Variants in CDH18 observed in about 807,000 individuals in gnomAD.
The protein encoded by CDH18 is cadherin 18, also known as cadherin-18.
CDH18 carries 31 observed loss-of-function variants against 67.9 expected under a neutral mutation model. The ratio of observed to expected loss-of-function variants is 0.46; its 90% CI spans 0.34 to 0.62. The LOEUF is 0.62. Ranked by LOEUF, CDH18 falls within the 20% of genes least tolerant of loss-of-function variation. The pLI is 0.01. For synonymous variants in CDH18, 362 were observed against 347.2 expected (o/e 1.04, Z -0.48); for missense variants, 890 against 975.5 (o/e 0.91, Z 1.17).
chr5:19,923,396 GT>G (rs759411945), intron 2 of CDH18, among the ~76,000 whole-genome samples: 11 of 152,154 alleles, frequency 7.2e-5, no homozygotes, highest in African/African-American at 2.7e-4. Context: ...AAAAATAAAA[GT>G]TGTTGCTTGA....
At position 19,970,766 on chromosome 5, in the gene CDH18, T is replaced by C. The variant is rs1376321536; in HGVS notation, c.-257+10294A>G. Among the ~76,000 whole-genome samples the C allele has an allele frequency of 2.0e-5, 3 of 150,882 alleles. No homozygotes were observed. The East Asian group carries it at 5.8e-4, about 29-fold the overall frequency. On this transcript the variant is annotated intron_variant, in intron 2 of 12. Transcript: ENST00000382275. ...TATACCGTAAAATAATATTTAATCT[T>C]TGAGATTAAATATTATTCTACATAT...
intron 5 of CDH18, among the ~76,000 whole-genome samples, chr5:19,667,002 C>T (rs1477450709): frequency 2.0e-5 from 3 of 151,846 alleles, no homozygotes; most frequent in Admixed American, 1.3e-4. Context: ...GGCACTTAAA[C>T]GTATTTGGTG....
chr5:20,104,430 GTA>G (rs1361707005), intron 2 of CDH18, among the ~76,000 whole-genome samples: 1 of 152,154 alleles, frequency 6.6e-6, no homozygotes, highest in Non-Finnish European at 1.5e-5. Context: ...ATGTAAACAT[GTA>G]TAAAGTGAGA....
chr5:20,433,112 G>A (rs1748894318), intron 1 of CDH18, among the ~76,000 whole-genome samples: 1 of 150,786 alleles, frequency 6.6e-6, no homozygotes, highest in African/African-American at 2.4e-5. Context: ...ATTTCTTCCT[G>A]GGTCACTTTA....
chr5:20,473,363 T>G (rs1752221646), intron 1 of CDH18, among the ~76,000 whole-genome samples: 1 of 152,304 alleles, frequency 6.6e-6, no homozygotes, highest in African/African-American at 2.4e-5. Flanking sequence ...CAATAATGTT[T>G]AATGTATTAT....
chr5:20,526,860 C>T (rs926091948), intron 1 of CDH18, among the ~76,000 whole-genome samples: 1 of 152,030 alleles, frequency 6.6e-6, no homozygotes, highest in African/African-American at 2.4e-5. Context: ...AGCCAGCATG[C>T]CTCTTCTCCT....
In CDH18 at chr5:19,873,959, T is replaced by C. The variant is rs565112902; in HGVS notation, c.-256-34717A>G. On this transcript the variant is annotated intron_variant, in intron 2 of 12. Coordinates refer to ENST00000382275, the MANE Select transcript of CDH18 (RefSeq NM_004934.5). The stretch of plus-strand genomic sequence containing the variant: ...CACCGTGCCTGGCCAAAAAAAATCA[T>C]TTTTGATACACAAAGCAGAAATAAT... Among the ~76,000 whole-genome samples the C allele has an allele frequency of 2.0e-5, 3 of 152,264 alleles. No individual in the cohort carries two copies. The South Asian group carries it at 6.2e-4, about 32-fold the overall frequency.
intron 2 of CDH18, among the ~76,000 whole-genome samples, chr5:19,945,146 T>C (rs1795175655): frequency 6.6e-6 from 1 of 152,134 alleles, no homozygotes; most frequent in South Asian, 2.1e-4. Context: ...CCAGGCCCAA[T>C]GTCTGCCAGT....
At chr5:20,390,445 C>T (rs1157749527) in intron 1 of CDH18, among the ~76,000 whole-genome samples, 4 of 152,202 alleles carry the variant, frequency 2.6e-5, no homozygotes, top group African/African-American at 7.2e-5. Context: ...GAGACACCAT[C>T]TCACACCAGT....
rs558066734 is a variant in CDH18, at chr5:20,443,879, G to T, written c.-580+131583C>A. 5.3e-5 allele frequency among the ~76,000 whole-genome samples: 8 copies of T among 151,900 alleles called. No individual in the cohort carries two copies. In the South Asian group the frequency reaches 1.5e-3, roughly 28 times the overall value. ...GAACTATATGACTAATTGGAAGAAG[G>T]ATAGGATTTTATTTCTACCTATGAA... is the stretch of plus-strand genomic sequence containing the variant. On this transcript the variant is annotated intron_variant, in intron 1 of 14. Transcript: ENST00000507958.
chr5:19,982,365 A>G (rs1008274555), intron 1 of CDH18, among the ~76,000 whole-genome samples: 1 of 152,094 alleles, frequency 6.6e-6, no homozygotes, highest in African/African-American at 2.4e-5. Context: ...TACAATATAA[A>G]CAACACAGAA....
chr5:19,886,036 C>T (rs1027744574), intron 2 of CDH18: 8 of 152,146 alleles, frequency 5.3e-5, no homozygotes, highest in African/African-American at 1.7e-4. Context: ...CAAGGAATTT[C>T]AATGAGTTTT....
chr5:19,877,647 C>T (rs1787178035), intron 2 of CDH18, among the ~76,000 whole-genome samples: 1 of 152,008 alleles, frequency 6.6e-6, no homozygotes, highest in Non-Finnish European at 1.5e-5. Flanking sequence ...TGGTCCTTTC[C>T]TCTTGGAACA....
chr5:20,341,893 T>C (rs1325902363), intron 1 of CDH18, among the ~76,000 whole-genome samples: 1 of 152,110 alleles, frequency 6.6e-6, no homozygotes, highest in Admixed American at 6.5e-5. Context: ...CTACACATAA[T>C]ACCTTTGATC....
chr5:20,211,159 C>T (rs956589511), intron 2 of CDH18, among the ~76,000 whole-genome samples: 3 of 152,014 alleles, frequency 2.0e-5, no homozygotes, highest in African/African-American at 7.3e-5. Flanking sequence ...TATTAAGTGT[C>T]CAATAGCACA....
intron 2 of CDH18, among the ~76,000 whole-genome samples, chr5:20,182,434 C>A (rs1737759577): frequency 6.6e-6 from 1 of 151,586 alleles, no homozygotes; most frequent in Non-Finnish European, 1.5e-5. Flanking sequence ...GAAACCCCGT[C>A]TCTACTAAAA....
At chr5:20,482,714 A>G (rs1752901949) in intron 1 of CDH18, among the ~76,000 whole-genome samples, 1 of 152,110 alleles carries the variant, frequency 6.6e-6, no homozygotes, top group African/African-American at 2.4e-5. Flanking sequence ...CATTTGATAA[A>G]GTTCAATATT....
chr5:20,196,907 G>T (rs1361707167), intron 2 of CDH18, among the ~76,000 whole-genome samples: 1 of 152,138 alleles, frequency 6.6e-6, no homozygotes, highest in African/African-American at 2.4e-5. Flanking sequence ...TGAAGAACCT[G>T]GTTTTGTATG....
chr5:19,677,360 C>T (rs1047904090), intron 5 of CDH18, among the ~76,000 whole-genome samples: 7 of 152,002 alleles, frequency 4.6e-5, no homozygotes, highest in African/African-American at 9.7e-5. Context: ...CAAATGCTAA[C>T]GGAATTCATT....
Sources: gnomAD v4.1 joint callset for allele counts (sites outside exome capture counted in the v4.1 genomes callset) on GRCh38, gnomAD v4.1.1 for gene constraint, MANE v1.5 for transcripts, NCBI Gene and HGNC (gene_info 2026-07-23, HGNC 2026-07-21) for gene names.